The following CYREN variants were observed in gnomAD, a reference collection of about 807,000 sequenced individuals.
The protein encoded by CYREN is cell cycle regulator of NHEJ, also known as cell cycle regulator of non-homologous end joining.
CYREN carries 7 observed loss-of-function variants against 9.7 expected under a neutral mutation model. The ratio of observed to expected loss-of-function variants is 0.72; its 90% CI spans 0.41 to 1.36. The LOEUF is 1.36. CYREN is among the 40% of genes most tolerant of loss of function. The pLI, the probability that CYREN is intolerant of heterozygous loss-of-function variation, is 0.01. For synonymous variants in CYREN, 76 were observed against 77.9 expected (o/e 0.98, Z 0.13); for missense variants, 215 against 198.1 (o/e 1.09, Z -0.51).
chr7:135,117,594 T>C (rs1350898118), intron 2 of CYREN, among the ~76,000 whole-genome samples: 3 of 152,152 alleles, frequency 2.0e-5, no homozygotes, highest in South Asian at 2.1e-4. Context: ...AAACAAATGA[T>C]ATATAAAACA....
At chr7:135,140,773 G>T (rs930956042) in intron 2 of CYREN, among the ~76,000 whole-genome samples, 14 of 152,022 alleles carry the variant, frequency 9.2e-5, no homozygotes, top group African/African-American at 2.4e-4. Flanking sequence ...AACATGAAGG[G>T]ATGCTGAATT....
chr7:135,127,972 C>T (rs1828124346), intron 2 of CYREN, among the ~76,000 whole-genome samples: 1 of 152,092 alleles, frequency 6.6e-6, no homozygotes, highest in Non-Finnish European at 1.5e-5. Context: ...TGGCCATATA[C>T]ACCATGGAAT....
downstream of CYREN, among the ~76,000 whole-genome samples, chr7:135,160,957 G>T (rs1829921370): frequency 6.6e-6 from 1 of 152,174 alleles, no homozygotes; most frequent in Non-Finnish European, 1.5e-5. Flanking sequence ...GCTGAGGATG[G>T]GCAGATGGGA....
chr7:135,096,733 G>GAA (rs1554516728), intron 2 of CYREN, among the ~76,000 whole-genome samples: 1 of 51,152 alleles, frequency 2.0e-5, no homozygotes, highest in Non-Finnish European at 4.1e-5. Context: ...AAGAAAGAAA[G>GAA]AGAAAGAATG....
intron 2 of CYREN, among the ~76,000 whole-genome samples, chr7:135,153,294 AAAT>A (rs937001677): frequency 1.3e-5 from 2 of 151,942 alleles, no homozygotes; most frequent in African/African-American, 4.8e-5. Flanking sequence ...TCTCTACTAA[AAAT>A]ACAAAAATTA....
chr7:135,162,702 C>T (rs905926288), downstream of CYREN, among the ~76,000 whole-genome samples: 1 of 152,200 alleles, frequency 6.6e-6, no homozygotes, highest in African/African-American at 2.4e-5. Context: ...GTCCCTCCCA[C>T]AATGTGGGGA....
Position 135,151,146 on chromosome 7 carries a change from T to C in CYREN, n.356+17603A>G, listed in dbSNP as rs186894179. On this transcript the variant is annotated intron_variant and non_coding_transcript_variant, in intron 2 of 2. Coordinates refer to the CYREN transcript ENST00000459937. The surrounding 1 kb of genome is among the most constrained non-coding windows in gnomAD (Gnocchi z 4.3). ...ATAAAGCTGTTTTATTTACATGGAA[T>C]AATTAAGTAAATCAAAACATCACAG... Among the ~76,000 whole-genome samples the C allele has an allele frequency of 6.6e-6, 1 of 152,298 alleles. No individual in the cohort carries two copies. The highest frequency in any genetic ancestry group is 2.4e-5 in the African/African-American group (1 of 41,558).
downstream of CYREN, among the ~76,000 whole-genome samples, chr7:135,162,835 G>C (rs1829981003): frequency 6.6e-6 from 1 of 152,226 alleles, no homozygotes; most frequent in African/African-American, 2.4e-5. Context: ...CACTGTTTCA[G>C]AGACCAACTG....
At chr7:135,169,900 A>C (rs1400789092) in intron 1 of CYREN, among the ~76,000 whole-genome samples, 1 of 152,204 alleles carries the variant, frequency 6.6e-6, no homozygotes, top group Non-Finnish European at 1.5e-5. Context: ...ATTTAAGAAA[A>C]AATATTACCA....
At chr7:135,103,049 C>A (rs944776491) in intron 2 of CYREN, among the ~76,000 whole-genome samples, 9 of 152,164 alleles carry the variant, frequency 5.9e-5, no homozygotes, top group Non-Finnish European at 1.3e-4. Flanking sequence ...TATGTCATTT[C>A]TTCTTTGAAC....
chr7:135,117,778 C>G (rs1826538552), intron 2 of CYREN, among the ~76,000 whole-genome samples: 1 of 152,160 alleles, frequency 6.6e-6, no homozygotes, highest in African/African-American at 2.4e-5. Context: ...GGGTGTCTAC[C>G]TCAGGCACAA....
In CYREN at chr7:135,102,522, C is replaced by T. The variant is rs537663245; in HGVS notation, n.357-7940G>A. Among the ~76,000 whole-genome samples, 16 of 152,160 alleles carry T rather than the reference C, an allele frequency of 1.1e-4. 2 individuals are homozygous for T. In the South Asian group the frequency reaches 2.5e-3, roughly 24 times the overall value. Reference sequence around the variant, plus strand: ...TATGCACCACACTTACTCATGTTCTCAGTATTATGTGGCTATGACAAGCCA... The same window carrying T: ...TATGCACCACACTTACTCATGTTCTTAGTATTATGTGGCTATGACAAGCCA... On this transcript the variant is annotated intron_variant and non_coding_transcript_variant, in intron 2 of 2. Coordinates refer to the CYREN transcript ENST00000459937.
At position 135,166,549 on chromosome 7, in the gene CYREN, C is replaced by T; in HGVS notation, c.*62G>A. On this transcript the variant is annotated 3_prime_UTR_variant, in exon 4 of 4. Transcript: ENST00000393114. ...CCACAGGCGGGCGGCCCAGCAGCAC[C>T]AGTGGAAGCTCAGCTGTCCTCCAGC... is the stretch of plus-strand genomic sequence containing the variant. 1 of 1,518,328 alleles carries T rather than the reference C, an allele frequency of 6.6e-7. No homozygotes were observed. The highest frequency in any genetic ancestry group is 8.8e-7 in the Non-Finnish European group (1 of 1,136,966). The allele number at this position is 1,518,328 out of a possible 1,614,324, so 94.1% of individuals were successfully genotyped here. A position where few individuals can be genotyped will look rare whatever the true frequency, so the allele number is the denominator to read the frequency against.
chr7:135,125,235 T>A (rs1827709569), intron 2 of CYREN, among the ~76,000 whole-genome samples: 1 of 151,918 alleles, frequency 6.6e-6, no homozygotes, highest in African/African-American at 2.4e-5. Flanking sequence ...CCCACAGAAA[T>A]ATAAACTACC....
chr7:135,168,520 T>G, intron 2 of CYREN: 1 of 498,774 alleles, frequency 2.0e-6, no homozygotes, highest in Non-Finnish European at 3.5e-6. Flanking sequence ...CATCAGAGAC[T>G]GGCTGACATG....
rs540617127 is a variant in CYREN, at chr7:135,142,366, A to G, written n.356+26383T>C. Among the ~76,000 whole-genome samples the G allele has an allele frequency of 9.8e-5, 15 of 152,298 alleles. No individual in the cohort carries two copies. In the South Asian group the frequency reaches 3.1e-3, roughly 32 times the overall value. ...TTCTTTAGTTACTTTATTGTAATAC[A>G]GTACGTAATACATATACAAAATATG... On this transcript the variant is annotated intron_variant and non_coding_transcript_variant, in intron 2 of 2. Coordinates refer to the CYREN transcript ENST00000459937.
intron 2 of CYREN, among the ~76,000 whole-genome samples, chr7:135,110,934 CA>C (rs1194790453): frequency 6.6e-6 from 1 of 152,198 alleles, no homozygotes; most frequent in African/African-American, 2.4e-5. Context: ...AGAAAAATTA[CA>C]TTACCAAATG....
At chr7:135,096,584 C>CAGATAGATAGATACATAGATAGATAG (rs1822810155) in intron 2 of CYREN, among the ~76,000 whole-genome samples, 1 of 88,816 alleles carries the variant, frequency 1.1e-5, no homozygotes, top group East Asian at 2.8e-4. Flanking sequence ...TAGATAGATA[C>CAGATAGATAGATACATAGATAGATAG]ATAGATAGAT....
chr7:135,142,497 G>T (rs982835333), intron 2 of CYREN, among the ~76,000 whole-genome samples: 4 of 152,084 alleles, frequency 2.6e-5, no homozygotes, highest in African/African-American at 9.7e-5. Context: ...GAGGGGGTTG[G>T]TGCCTCTAAT....
Sources: gnomAD v4.1 joint callset for allele counts (sites outside exome capture counted in the v4.1 genomes callset) on GRCh38, gnomAD v4.1.1 for gene constraint, Gnocchi (gnomAD v3.1) non-coding constraint, MANE v1.5 for transcripts, NCBI Gene and HGNC (gene_info 2026-07-23, HGNC 2026-07-21) for gene names.